SLC19A1: variants seen among roughly 807,000 people sequenced by gnomAD.
SLC19A1 encodes the protein solute carrier family 19 member 1, also known as reduced folate transporter.
In SLC19A1, 37 loss-of-function variants were observed where a neutral mutation model predicts 35.3. The ratio of observed to expected loss-of-function variants is 1.05; its 90% CI spans 0.81 to 1.38. SLC19A1 has a LOEUF of 1.38. Ranked by LOEUF, SLC19A1 falls within the 40% of genes most tolerant of loss-of-function variation. SLC19A1 has a pLI of 0.00. For synonymous variants in SLC19A1, 460 were observed against 398.5 expected (o/e 1.15, Z -1.84); for missense variants, 831 against 826.9 (o/e 1.00, Z -0.06).
intron 1 of SLC19A1, among the ~76,000 whole-genome samples, chr21:45,560,220 C>A (rs1011692967): frequency 6.6e-6 from 1 of 152,218 alleles, no homozygotes; most frequent in Admixed American, 6.5e-5. Context: ...GATCCACCCC[C>A]CAAGGACTCC....
chr21:45,548,191 G>C (rs1301779446), upstream of SLC19A1, among the ~76,000 whole-genome samples: 2 of 152,176 alleles, frequency 1.3e-5, no homozygotes, highest in Non-Finnish European at 2.9e-5. Context: ...AGATCACATA[G>C]TTCAAGAACA....
rs1223887200 is a variant in SLC19A1 at position 45,505,265 on chromosome 21, C to T, written c.498-6653G>A. 8.1e-6 allele frequency: 13 copies of T among 1,606,742 alleles called. No homozygotes were observed. The highest frequency in any genetic ancestry group is 1.3e-5 in the African/African-American group (1 of 74,690). On this transcript the variant is annotated intron_variant, in intron 3 of 4. Coordinates refer to the SLC19A1 transcript ENST00000417954. ...CCCCAGGGCCCCCTTCATTTCCTGG[C>T]CCTCACAGGCAGAGTAAGTCAGTGG...
chr21:45,525,519 G>A (rs986961814), intron 5 of SLC19A1, among the ~76,000 whole-genome samples: 4 of 152,240 alleles, frequency 2.6e-5, no homozygotes, highest in Non-Finnish European at 5.9e-5. Flanking sequence ...ACCAAGTTCC[G>A]GCAGCCACAG....
chr21:45,511,244 T>C, downstream of SLC19A1: 1 of 1,371,728 alleles, frequency 7.3e-7, no homozygotes, highest in Non-Finnish European at 1.0e-6. Context: ...CCCAGTGCCG[T>C]GTGAGCAGCT....
upstream of SLC19A1, among the ~76,000 whole-genome samples, chr21:45,547,475 A>G (rs2078426647): frequency 6.6e-6 from 1 of 152,256 alleles, no homozygotes; most frequent in African/African-American, 2.4e-5. Context: ...CTTAAGTCTG[A>G]TAAGAATCAT....
At chr21:45,544,025 G>C (rs1037890543), upstream of SLC19A1, 3 of 152,502 alleles carry the variant, frequency 2.0e-5, no homozygotes, top group African/African-American at 7.2e-5. Context: ...GGGGCTCCTA[G>C]ACCCCTTCCC....
rs1422320434 is a variant in SLC19A1, at chr21:45,532,023, C to A, written c.315G>T (p.Ser105=). 1 of 1,611,598 alleles carries A rather than the reference C, an allele frequency of 6.2e-7. No individual in the cohort carries two copies. Among genetic ancestry groups the A allele is most frequent in the South Asian group, 1.1e-5 (1 of 91,076 alleles). ...GGCCCAGCAGCAGCAGCAGCCACAC[C>A]GACACGAAGCTGAGCCCCTGCAGCA... ...VLLLQGLSFV[S]VWLLLLLGHS... is the part of the protein sequence containing the mutation. The change falls in exon 3 of 6, where the codon TCG becomes TCT. Residue 105 remains serine, a synonymous_variant. Transcript: ENST00000311124.
chr21:45,518,833 C>A (rs753739319), intron 5 of SLC19A1, among the ~76,000 whole-genome samples: 2 of 152,004 alleles, frequency 1.3e-5, no homozygotes, highest in Non-Finnish European at 2.9e-5. Flanking sequence ...AAATTTGTAA[C>A]CAGCAGATCT....
chr21:45,503,280 G>C (rs1048572544), intron 3 of SLC19A1, among the ~76,000 whole-genome samples: 1 of 44,588 alleles, frequency 2.2e-5, no homozygotes, highest in African/African-American at 7.0e-5. Flanking sequence ...GTGTGAGATG[G>C]TATCTCATTG....
intron 1 of SLC19A1, among the ~76,000 whole-genome samples, chr21:45,558,038 A>C (rs2078580566): frequency 6.6e-6 from 1 of 152,254 alleles, no homozygotes; most frequent in Non-Finnish European, 1.5e-5. Context: ...CATGCCATCC[A>C]AGGCAGTCTG....
At chr21:45,529,853 T>C (rs1602790729) in intron 4 of SLC19A1, among the ~76,000 whole-genome samples, 1 of 151,146 alleles carries the variant, frequency 6.6e-6, no homozygotes, top group Non-Finnish European at 1.5e-5. Flanking sequence ...TGTGTGTCCA[T>C]GTGTAAGCAT....
At chr21:45,506,433 G>A (rs570638980) in intron 3 of SLC19A1, 3 of 292,780 alleles carry the variant, frequency 1.0e-5, no homozygotes, top group African/African-American at 2.2e-5. Context: ...TGCTTAGCAC[G>A]GGCCTTGCTC....
chr21:45,512,532 G>A (rs570448232), downstream of SLC19A1: 147 of 782,896 alleles, frequency 1.9e-4, no homozygotes, highest in Non-Finnish European at 2.7e-4. Flanking sequence ...CACGTTTCAT[G>A]TAATCCTCAA....
intron 3 of SLC19A1, chr21:45,505,014 A>G: frequency 7.8e-7 from 1 of 1,278,032 alleles, no homozygotes; most frequent in Non-Finnish European, 1.1e-6. Context: ...CAGGGAGGGG[A>G]CCGGTGACTC....
At chr21:45,551,589 GTTGT>G (rs2078466954) in intron 1 of SLC19A1, among the ~76,000 whole-genome samples, 1 of 152,128 alleles carries the variant, frequency 6.6e-6, no homozygotes, top group Admixed American at 6.6e-5. Context: ...GGCAGATGTT[GTTGT>G]TTGTTGGTTT....
downstream of SLC19A1, chr21:45,512,549 A>C (rs755756703): frequency 1.4e-6 from 1 of 707,388 alleles, no homozygotes; most frequent in Admixed American, 2.7e-5. Context: ...TCAAGAAATA[A>C]AAGGAAGCCA....
intron 3 of SLC19A1, chr21:45,504,292 C>A: frequency 9.8e-7 from 1 of 1,019,000 alleles, no homozygotes; most frequent in South Asian, 1.6e-5. Flanking sequence ...TCTATGCAGC[C>A]AGCAGCTCCC....
At chr21:45,523,102 C>A (rs1376765271) in intron 5 of SLC19A1, among the ~76,000 whole-genome samples, 2 of 152,156 alleles carry the variant, frequency 1.3e-5, no homozygotes, top group South Asian at 4.1e-4. Context: ...TCTGTCCCCC[C>A]ATGCTCCATC....
downstream of SLC19A1, among the ~76,000 whole-genome samples, chr21:45,511,647 G>A (rs80344556): frequency 3.7e-4 from 56 of 152,160 alleles, no homozygotes; most frequent in East Asian, 7.6e-3. Context: ...AGAACGCTTC[G>A]TCCCAAATGT....
Sources: allele counts gnomAD v4.1 joint callset (sites outside exome capture counted in the v4.1 genomes callset), GRCh38; gene constraint gnomAD v4.1.1; transcripts MANE v1.5; gene names NCBI Gene and HGNC (gene_info 2026-07-23, HGNC 2026-07-21).